Variants in SGCG observed in about 807,000 individuals in gnomAD.
SGCG encodes the protein sarcoglycan gamma.
A neutral mutation model predicts 29.3 loss-of-function variants in SGCG; 26 were observed. The observed-to-expected ratio is 0.89, with a 90% CI of 0.65 to 1.23. SGCG has a LOEUF of 1.23. Among genes scored for constraint, SGCG ranks in the 50% most tolerant of loss-of-function variants. The pLI, the probability that SGCG is intolerant of heterozygous loss-of-function variation, is 0.00. For missense variants in SGCG, 353 were observed against 356.0 expected (o/e 0.99, Z 0.07); for synonymous variants, 145 against 129.7 (o/e 1.12, Z -0.80).
intron 6 of SGCG, among the ~76,000 whole-genome samples, chr13:23,305,544 A>G (rs912897548): frequency 5.9e-5 from 9 of 152,218 alleles, no homozygotes; most frequent in Non-Finnish European, 8.8e-5. Context: ...GGATTTCCCA[A>G]TGTCCTCAAT....
the SGCG span, among the ~76,000 whole-genome samples, chr13:23,174,874 A>G: frequency 6.6e-6 from 1 of 151,948 alleles, no homozygotes. Flanking sequence ...ATGGTTTTCA[A>G]ATGGAATGGA....
intron 2 of SGCG, among the ~76,000 whole-genome samples, chr13:23,225,269 G>A (rs940786454): frequency 2.6e-5 from 4 of 152,096 alleles, no homozygotes; most frequent in Admixed American, 6.5e-5. Context: ...TACATTAAGG[G>A]TCCTGAAATT....
chr13:23,285,353 G>C (rs138892653), intron 5 of SGCG, among the ~76,000 whole-genome samples: 2 of 152,098 alleles, frequency 1.3e-5, no homozygotes, highest in Non-Finnish European at 2.9e-5. Flanking sequence ...CAGCTTTGTC[G>C]AGGCTCGGTG....
chr13:23,301,521 T>C (rs1251183765), intron 6 of SGCG, among the ~76,000 whole-genome samples: 1 of 152,172 alleles, frequency 6.6e-6, no homozygotes, highest in Non-Finnish European at 1.5e-5. Context: ...AGGGAAATGC[T>C]AACCAAAAGA....
chr13:23,235,377 C>CAAAAAAAAAAAAAGAAGAAAAAACA (rs139839030), intron 3 of SGCG, among the ~76,000 whole-genome samples: 1 of 136,186 alleles, frequency 7.3e-6, no homozygotes, highest in Admixed American at 7.3e-5. Context: ...GAAGAAAAAA[C>CAAAAAAAAAAAAAGAAGAAAAAACA]AAAAAAAAAA....
chr13:23,173,861 A>C, the SGCG span, among the ~76,000 whole-genome samples: 1 of 152,234 alleles, frequency 6.6e-6, no homozygotes, highest in Non-Finnish European at 1.5e-5. Flanking sequence ...AGATAGGCAC[A>C]GATACCTTTA....
chr13:23,320,953 A>G (rs1883013443), intron 7 of SGCG, among the ~76,000 whole-genome samples, 193 bp downstream of exon 7: 1 of 152,162 alleles, frequency 6.6e-6, no homozygotes, highest in African/African-American at 2.4e-5. Flanking sequence ...GTCTAAAATT[A>G]TTCTGTATTA....
At chr13:23,184,941 C>G (rs1412778426) in intron 1 of SGCG, among the ~76,000 whole-genome samples, 1 of 152,172 alleles carries the variant, frequency 6.6e-6, no homozygotes, top group African/African-American at 2.4e-5. Flanking sequence ...TGCAGTGGGA[C>G]TATGAGGATT....
chr13:23,198,392 A>C (rs552238499), intron 1 of SGCG, among the ~76,000 whole-genome samples: 5 of 152,320 alleles, frequency 3.3e-5, no homozygotes, highest in Admixed American at 2.6e-4. Flanking sequence ...ATCTGTCCTT[A>C]AGGTCATTTT....
intron 4 of SGCG, among the ~76,000 whole-genome samples, chr13:23,260,825 G>T (rs578060873): frequency 6.6e-6 from 1 of 151,948 alleles, no homozygotes; most frequent in Non-Finnish European, 1.5e-5. Flanking sequence ...GAAATTCTGG[G>T]TTGAAAATTC....
intron 2 of SGCG, among the ~76,000 whole-genome samples, chr13:23,208,743 C>T (rs1328594955): frequency 6.6e-6 from 1 of 152,070 alleles, no homozygotes; most frequent in Non-Finnish European, 1.5e-5. Flanking sequence ...ATTCCGTTAG[C>T]CATCATAATA....
intron 1 of SGCG, among the ~76,000 whole-genome samples, chr13:23,182,915 G>A (rs1477620173): frequency 6.6e-6 from 1 of 152,200 alleles, no homozygotes; most frequent in Non-Finnish European, 1.5e-5. Context: ...TTGACATGGA[G>A]AATGGATTAA....
chr13:23,308,083 T>C (rs947071348), intron 6 of SGCG, among the ~76,000 whole-genome samples: 2 of 152,232 alleles, frequency 1.3e-5, no homozygotes, highest in African/African-American at 4.8e-5. Flanking sequence ...TAATCATGAA[T>C]TTATAGACAC....
chr13:23,248,035 A>G (rs9552891), intron 3 of SGCG, among the ~76,000 whole-genome samples: 64,211 of 116,620 alleles, frequency 0.55, 14,351 homozygotes, highest in East Asian at 0.73. Flanking sequence ...AGCACTTTGG[A>G]AGGCCAAAGC....
chr13:23,287,205 A>C (rs893363963), intron 5 of SGCG, among the ~76,000 whole-genome samples: 7 of 152,226 alleles, frequency 4.6e-5, no homozygotes, highest in African/African-American at 1.7e-4. Flanking sequence ...TGAGCCCTTT[A>C]TAACCAGAGA....
intron 4 of SGCG, among the ~76,000 whole-genome samples, chr13:23,258,196 A>G (rs1053848740): frequency 1.3e-5 from 2 of 152,112 alleles, no homozygotes; most frequent in Non-Finnish European, 2.9e-5. Context: ...ATGTTCTTCC[A>G]TTTGTTTGTG....
At position 23,247,929 on chromosome 13, in the gene SGCG, G is replaced by A. The variant is rs535850062; in HGVS notation, c.298-2701G>A. 2.0e-3 allele frequency among the ~76,000 whole-genome samples: 290 copies of A among 145,780 alleles called. 1 individual carries two copies. The highest frequency in any genetic ancestry group is 3.0e-3 in the Admixed American group (44 of 14,562). ...ACTCACACCACTGGACTCCAGCCTGGCAACAGAGTGAAACTCCCATCTCTT... is the reference window on the plus strand; with the variant it reads ...ACTCACACCACTGGACTCCAGCCTGACAACAGAGTGAAACTCCCATCTCTT... On this transcript the variant is annotated intron_variant, in intron 3 of 7. Transcript: ENST00000218867.
At chr13:23,316,094 C>T (rs1479020857) in intron 6 of SGCG, among the ~76,000 whole-genome samples, 4 of 152,194 alleles carry the variant, frequency 2.6e-5, no homozygotes, top group Non-Finnish European at 5.9e-5. Context: ...ATTCTGGCTA[C>T]AGCCACTGCT....
intron 2 of SGCG, among the ~76,000 whole-genome samples, chr13:23,211,585 G>A (rs749599998): frequency 3.3e-5 from 5 of 152,126 alleles, no homozygotes; most frequent in Non-Finnish European, 5.9e-5. Context: ...TTGGGAAGAC[G>A]AAATGCCTTC....
Sources: allele counts gnomAD v4.1 joint callset (sites outside exome capture counted in the v4.1 genomes callset), GRCh38; gene constraint gnomAD v4.1.1; transcripts MANE v1.5; gene names NCBI Gene and HGNC (gene_info 2026-07-23, HGNC 2026-07-21).